PTN: variants seen among roughly 807,000 people sequenced by gnomAD.
PTN encodes pleiotrophin.
A neutral mutation model predicts 24.1 loss-of-function variants in PTN; 18 were observed. The ratio of observed to expected loss-of-function variants is 0.75; its 90% confidence interval spans 0.52 to 1.11. The LOEUF is 1.11. PTN is among the 50% of genes least tolerant of loss of function. The pLI, the probability that PTN is intolerant of heterozygous loss-of-function variation, is 0.00. For missense variants in PTN, 163 were observed against 198.8 expected (o/e 0.82, Z 1.08); for synonymous variants, 78 against 68.6 (o/e 1.14, Z -0.67).
chr7:137,295,406 G>A (rs1359032202), intron 1 of PTN, among the ~76,000 whole-genome samples: 4 of 152,060 alleles, frequency 2.6e-5, no homozygotes, highest in Admixed American at 6.6e-5. Flanking sequence ...CTAGGAGTAC[G>A]TTACCAATTG....
chr7:137,318,252 T>G (rs1406387232), intron 1 of PTN, among the ~76,000 whole-genome samples: 2 of 152,068 alleles, frequency 1.3e-5, no homozygotes, highest in African/African-American at 4.8e-5. Context: ...CGGGCAACAG[T>G]GTGAGACTCG....
At chr7:137,228,254 T>C (rs62487101) in intron 4 of PTN, among the ~76,000 whole-genome samples, 179 bp from the exon 5 acceptor site, 8,628 of 151,938 alleles carry the variant, frequency 0.057, 365 homozygotes, top group Non-Finnish European at 0.086. Flanking sequence ...TGTGTGTGTG[T>C]GTGTCTGTCT....
intron 1 of PTN, among the ~76,000 whole-genome samples, chr7:137,307,325 T>C (rs541600571): frequency 1.3e-5 from 2 of 152,256 alleles, no homozygotes; most frequent in East Asian, 3.9e-4. Flanking sequence ...TACCTATTCA[T>C]ATTGTACTAG....
chr7:137,272,865 A>G (rs1281793085), intron 1 of PTN, among the ~76,000 whole-genome samples: 1 of 152,246 alleles, frequency 6.6e-6, no homozygotes, highest in Non-Finnish European at 1.5e-5. Flanking sequence ...CACATACACT[A>G]GCCAATAAGT....
chr7:137,276,606 G>A (rs1207293498), intron 1 of PTN, among the ~76,000 whole-genome samples: 5 of 152,162 alleles, frequency 3.3e-5, no homozygotes, highest in Non-Finnish European at 1.5e-5. Context: ...TTGATTCCAG[G>A]CTTCTATTGT....
At chr7:137,337,736 G>A (rs1358899860) in intron 1 of PTN, among the ~76,000 whole-genome samples, 1 of 152,182 alleles carries the variant, frequency 6.6e-6, no homozygotes, top group African/African-American at 2.4e-5. Context: ...GAAGGAAAGA[G>A]AGTGGGAGAA....
intron 4 of PTN, among the ~76,000 whole-genome samples, chr7:137,229,059 A>T (rs1808384508): frequency 6.6e-6 from 1 of 151,850 alleles, no homozygotes; most frequent in African/African-American, 2.4e-5. Context: ...TAGATTACTC[A>T]TCTTTAAATA....
rs763369864 is a variant in PTN, at chr7:137,343,452, C to T, written c.-15G>A. ...CCTCTCACTTACTTTGAGTTGGAAA[C>T]GTCCTCTCTGGCGCTCAGTCTGCCT... On this transcript the variant is annotated 5_prime_UTR_variant, in exon 1 of 5. Coordinates refer to ENST00000348225, the MANE Select transcript of PTN (RefSeq NM_002825.7). 5.8e-6 allele frequency: 3 copies of T among 517,062 alleles called. No individual in the cohort carries two copies. Among genetic ancestry groups the T allele is most frequent in the African/African-American group, 1.9e-5 (1 of 51,884 alleles). The allele number at this position is 517,062 out of a possible 1,614,324, so 32.0% of individuals were successfully genotyped here.
chr7:137,340,528 A>C (rs1810517296), intron 1 of PTN, among the ~76,000 whole-genome samples: 1 of 152,242 alleles, frequency 6.6e-6, no homozygotes, highest in East Asian at 1.9e-4. Flanking sequence ...ATTCCACTTA[A>C]GCCAATTGAC....
At chr7:137,301,949 T>C (rs1271430165) in intron 1 of PTN, among the ~76,000 whole-genome samples, 1 of 147,594 alleles carries the variant, frequency 6.8e-6, no homozygotes, top group African/African-American at 2.4e-5. Context: ...CCTTAAGACT[T>C]CTAGTAACTG....
intron 1 of PTN, among the ~76,000 whole-genome samples, chr7:137,340,640 G>A (rs1459526909): frequency 6.6e-6 from 1 of 152,194 alleles, no homozygotes; most frequent in Non-Finnish European, 1.5e-5. Context: ...TGTGCCAGAA[G>A]GAGGCAAAAA....
chr7:137,335,433 G>T lies in PTN; in HGVS notation c.-2+8006C>A, dbSNP rs183630391. 2.5e-3 allele frequency among the ~76,000 whole-genome samples: 380 copies of T among 152,214 alleles called. 2 individuals are homozygous for T. The highest frequency in any genetic ancestry group is 2.4e-3 in the Non-Finnish European group (166 of 68,008). On this transcript the variant is annotated intron_variant, in intron 1 of 4. Transcript: ENST00000348225. ...TTTCTTTCATAAATAATCATACATTGTAAATATTATTTGGTCACAAAGATG... is the reference window on the plus strand; with the variant it reads ...TTTCTTTCATAAATAATCATACATTTTAAATATTATTTGGTCACAAAGATG...
At chr7:137,240,562 C>T (rs1220318346) in intron 4 of PTN, among the ~76,000 whole-genome samples, 1 of 152,218 alleles carries the variant, frequency 6.6e-6, no homozygotes, top group Non-Finnish European at 1.5e-5. Context: ...AGAAGGAAAA[C>T]AGTTCCAGGT....
chr7:137,280,067 T>C (rs1385207780), intron 1 of PTN, among the ~76,000 whole-genome samples: 2 of 152,158 alleles, frequency 1.3e-5, no homozygotes. Context: ...ATACAGAATA[T>C]GGGTTCATAA....
intron 1 of PTN, among the ~76,000 whole-genome samples, chr7:137,266,354 A>G (rs1387286612): frequency 1.3e-5 from 2 of 152,152 alleles, no homozygotes; most frequent in East Asian, 1.9e-4. Flanking sequence ...TAGTCCTTTT[A>G]CCAAAGGTAT....
intron 1 of PTN, among the ~76,000 whole-genome samples, chr7:137,293,029 C>T (rs1174677513): frequency 2.0e-5 from 3 of 152,202 alleles, no homozygotes; most frequent in African/African-American, 4.8e-5. Context: ...CCTTTACCCA[C>T]ATGCATATTC....
chr7:137,251,377 G>C lies in PTN; in HGVS notation c.304C>G (p.Gln102Glu). 6.2e-7 allele frequency: 1 copy of C among 1,614,018 alleles called. No individual in the cohort carries two copies. Among genetic ancestry groups the C allele is most frequent in the Non-Finnish European group, 8.5e-7 (1 of 1,179,964 alleles). Residue 102 changes from glutamine to glutamate, a missense_variant, in exon 4 of 5, where the codon CAG becomes GAG. Gln to Glu is a conservative substitution (Grantham distance 29, BLOSUM62 2). Transcript: ENST00000348225. The part of the protein sequence containing the change: ...KKQFGAECKY[Q>E]FQAWGECDLN... Reference sequence around the variant, plus strand: ...TCACATTCTCCCCAGGCCTGGAACTGGTATTTGCACTCCGCTAAAGGCAGG... The same window carrying C: ...TCACATTCTCCCCAGGCCTGGAACTCGTATTTGCACTCCGCTAAAGGCAGG...
chr7:137,322,317 A>G (rs1451923578), intron 1 of PTN, among the ~76,000 whole-genome samples: 1 of 152,206 alleles, frequency 6.6e-6, no homozygotes, highest in Non-Finnish European at 1.5e-5. Flanking sequence ...GGTGACATCT[A>G]TAGCCCATTT....
chr7:137,310,647 G>T (rs181801032), intron 1 of PTN, among the ~76,000 whole-genome samples: 1 of 151,800 alleles, frequency 6.6e-6, no homozygotes, highest in Non-Finnish European at 1.5e-5. Context: ...CTCATGATCC[G>T]CCTGTCTCAG....
Sources: gnomAD v4.1 joint callset for allele counts (sites outside exome capture counted in the v4.1 genomes callset) on GRCh38, gnomAD v4.1.1 for gene constraint, MANE v1.5 for transcripts, NCBI Gene and HGNC (gene_info 2026-07-23, HGNC 2026-07-21) for gene names.